PTPRT: variants seen among roughly 807,000 people sequenced by gnomAD.
PTPRT encodes receptor-type tyrosine-protein phosphatase T.
In PTPRT, 56 loss-of-function variants were observed where a neutral mutation model predicts 176.8. The observed-to-expected ratio is 0.32, with a 90% CI of 0.26 to 0.40. The LOEUF (loss-of-function observed/expected upper bound fraction) is 0.40. Among genes scored for constraint, PTPRT ranks in the 10% least tolerant of loss-of-function variants. PTPRT has a pLI of 1.00. For synonymous variants in PTPRT, 783 were observed against 739.0 expected, an observed-to-expected ratio of 1.06 and a Z score of -0.96; for missense variants, 1,540 against 1,908.2, an observed-to-expected ratio of 0.81 and a Z score of 3.60.
chr20:42,472,254 T>G lies in PTPRT; in HGVS notation c.1450+12A>C, dbSNP rs370308480. On this transcript the variant is annotated intron_variant, in intron 8 of 30. Transcript: ENST00000373187. ...ATCCCCATTCCCATGTAAGCTCTCC[T>G]CCCTTGCTCACCGTCTTCCTCAGTC... The G allele has an allele frequency of 6.8e-6, 11 of 1,611,344 alleles. No individual in the cohort carries two copies. The African/African-American group carries it at 1.2e-4, about 18-fold the overall frequency.
chr20:42,099,542 T>TGGGTG (rs1325217305), intron 26 of PTPRT, among the ~76,000 whole-genome samples: 12 of 8,708 alleles, frequency 1.4e-3, no homozygotes, highest in East Asian at 4.7e-3. Context: ...GAAAATGGCC[T>TGGGTG]GGGCGGGGGG....
At chr20:42,493,752 T>A (rs1175414192) in intron 7 of PTPRT, among the ~76,000 whole-genome samples, 2 of 152,142 alleles carry the variant, frequency 1.3e-5, no homozygotes, top group Admixed American at 1.3e-4. Context: ...GGTTGACCCC[T>A]GGGACTTCAG....
At chr20:42,985,803 G>A (rs541221393) in intron 1 of PTPRT, among the ~76,000 whole-genome samples, 2 of 152,272 alleles carry the variant, frequency 1.3e-5, no homozygotes, top group East Asian at 3.9e-4. Context: ...GGGATGAGGA[G>A]TGCGCCCCCC....
intron 11 of PTPRT, among the ~76,000 whole-genome samples, chr20:42,330,742 G>T (rs2057954201): frequency 6.6e-6 from 1 of 152,050 alleles, no homozygotes; most frequent in African/African-American, 2.4e-5. Context: ...TTTTGTTATT[G>T]TTATACTTAA....
chr20:42,628,118 T>C (rs2074330198), intron 7 of PTPRT, among the ~76,000 whole-genome samples: 1 of 152,110 alleles, frequency 6.6e-6, no homozygotes, highest in Non-Finnish European at 1.5e-5. Flanking sequence ...AGAAGGCAAA[T>C]GGGAGTGCAG....
chr20:42,413,927 C>T (rs2049971), intron 9 of PTPRT, among the ~76,000 whole-genome samples: 102,756 of 151,954 alleles, frequency 0.68, 35,123 homozygotes, highest in Admixed American at 0.77. Context: ...CTTGGCTCAC[C>T]GCAACCTCCG....
Position 42,218,803 on chromosome 20 carries a change from C to T in PTPRT, c.2342+17426G>A, listed in dbSNP as rs74423582. The stretch of plus-strand genomic sequence containing the variant: ...TCAAGAGTGGCCTAGCACCCTGGCC[C>T]GGCTGTGTGGGACAAGTCTTGCAAA... On this transcript the variant is annotated intron_variant, in intron 15 of 30. Coordinates refer to ENST00000373187, the MANE Select transcript of PTPRT (RefSeq NM_007050.6). 7.2e-5 allele frequency among the ~76,000 whole-genome samples: 11 copies of T among 152,326 alleles called. No homozygotes were observed. The East Asian group carries it at 1.3e-3, about 19-fold the overall frequency.
chr20:42,490,430 T>C (rs1226513756), intron 7 of PTPRT, among the ~76,000 whole-genome samples: 1 of 152,162 alleles, frequency 6.6e-6, no homozygotes, highest in East Asian at 1.9e-4. Context: ...ATTGAGATTT[T>C]ATATATTCTT....
rs568257093 is a variant in PTPRT at position 43,066,692 on chromosome 20, C to T, written c.88+122954G>A. 3.3e-5 allele frequency among the ~76,000 whole-genome samples: 5 copies of T among 152,244 alleles called. No individual in the cohort carries two copies. In the South Asian group the frequency reaches 6.2e-4, roughly 19 times the overall value. On this transcript the variant is annotated intron_variant, in intron 1 of 30. Transcript: ENST00000373187. ...CCAACCTGAACTGTGGGGCATAGCA[C>T]GGAGTGGTGGAAGGGTAGGGAAGGT... is the stretch of plus-strand genomic sequence containing the variant.
At chr20:42,716,793 C>G (rs2146215770) in intron 6 of PTPRT, among the ~76,000 whole-genome samples, 1 of 152,186 alleles carries the variant, frequency 6.6e-6, no homozygotes, top group South Asian at 2.1e-4. Flanking sequence ...ACCCAAATGT[C>G]CAACAATGAT....
chr20:42,621,482 G>A (rs1217273263), intron 7 of PTPRT, among the ~76,000 whole-genome samples: 1 of 152,186 alleles, frequency 6.6e-6, no homozygotes, highest in Non-Finnish European at 1.5e-5. Context: ...GCCATCACCT[G>A]TGGATTGTAA....
intron 2 of PTPRT, among the ~76,000 whole-genome samples, chr20:42,885,586 C>T (rs1349251137): frequency 6.6e-6 from 1 of 152,048 alleles, no homozygotes; most frequent in Non-Finnish European, 1.5e-5. Flanking sequence ...AATCTCGACG[C>T]TAAAAGAAAT....
chr20:42,559,373 T>C (rs896983704), intron 7 of PTPRT, among the ~76,000 whole-genome samples: 3 of 152,168 alleles, frequency 2.0e-5, no homozygotes, highest in African/African-American at 7.2e-5. Flanking sequence ...CTTAGCAACA[T>C]ATGTAACTTA....
chr20:42,858,231 A>G (rs1304980175), intron 2 of PTPRT, among the ~76,000 whole-genome samples: 1 of 152,234 alleles, frequency 6.6e-6, no homozygotes, highest in Non-Finnish European at 1.5e-5. Flanking sequence ...TAAGGAAGAC[A>G]TTATTCAAGA....
At chr20:43,051,815 T>C (rs982003395) in intron 1 of PTPRT, among the ~76,000 whole-genome samples, 1 of 151,978 alleles carries the variant, frequency 6.6e-6, no homozygotes, top group African/African-American at 2.4e-5. Context: ...AAAAACTATA[T>C]AGCGAGGTAG....
At chr20:42,854,065 C>G (rs1305570513) in intron 2 of PTPRT, among the ~76,000 whole-genome samples, 1 of 152,148 alleles carries the variant, frequency 6.6e-6, no homozygotes, top group Admixed American at 6.5e-5. Flanking sequence ...CTGGGGAGAC[C>G]TGCAGTACCA....
chr20:42,130,337 TG>T (rs1988067194), intron 18 of PTPRT, among the ~76,000 whole-genome samples: 1 of 152,110 alleles, frequency 6.6e-6, no homozygotes, highest in Admixed American at 6.5e-5. Context: ...GCTCAGGAGC[TG>T]GGGCCACCTG....
At chr20:42,430,609 G>C (rs1171330385) in intron 9 of PTPRT, among the ~76,000 whole-genome samples, 2 of 152,158 alleles carry the variant, frequency 1.3e-5, no homozygotes, top group Non-Finnish European at 2.9e-5. Flanking sequence ...TAGAAACCTG[G>C]CTGCGAGTCC....
chr20:42,482,690 G>A (rs1388346314), intron 7 of PTPRT, among the ~76,000 whole-genome samples: 1 of 152,134 alleles, frequency 6.6e-6, no homozygotes, highest in Non-Finnish European at 1.5e-5. Flanking sequence ...GGTTGGGAAA[G>A]GCTTATGTCT....
Sources: allele counts gnomAD v4.1 joint callset (sites outside exome capture counted in the v4.1 genomes callset), GRCh38; gene constraint gnomAD v4.1.1; transcripts MANE v1.5; gene names NCBI Gene and HGNC (gene_info 2026-07-23, HGNC 2026-07-21).